TASP1: variants seen among roughly 807,000 people sequenced by gnomAD.
The protein encoded by TASP1 is taspase 1.
A neutral mutation model predicts 56.6 loss-of-function variants in TASP1; 16 were observed. That is an observed-to-expected ratio of 0.28 (90% CI 0.19 to 0.43). TASP1 has a LOEUF of 0.43. Among genes scored for constraint, TASP1 ranks in the 20% least tolerant of loss-of-function variants. The pLI, the probability that TASP1 is intolerant of heterozygous loss-of-function variation, is 1.00. For synonymous variants in TASP1, 179 were observed against 184.2 expected (o/e 0.97, Z 0.23); for missense variants, 393 against 511.6 (o/e 0.77, Z 2.24).
the TASP1 span, chr20:13,244,203 G>C: frequency 6.6e-6 from 1 of 152,176 alleles, no homozygotes; most frequent in Non-Finnish European, 1.5e-5. Context: ...GCAGAGGTCT[G>C]CTTGAACATT....
chr20:13,298,777 A>T, the TASP1 span, among the ~76,000 whole-genome samples: 1 of 152,126 alleles, frequency 6.6e-6, no homozygotes, highest in Admixed American at 6.6e-5. Flanking sequence ...AGGGGGCTGC[A>T]GGGGTGTCTG....
intron 8 of TASP1, among the ~76,000 whole-genome samples, chr20:13,557,650 G>A (rs116159322): frequency 0.018 from 2,462 of 136,206 alleles, 77 homozygotes; most frequent in African/African-American, 0.062. Context: ...ACATGATCAC[G>A]GCTCACTGCA....
chr20:13,439,206 C>T (rs184566336), intron 11 of TASP1, among the ~76,000 whole-genome samples: 47 of 152,246 alleles, frequency 3.1e-4, no homozygotes, highest in African/African-American at 8.4e-4. Flanking sequence ...CACATGCACA[C>T]GTATGTTTAC....
intron 13 of TASP1, among the ~76,000 whole-genome samples, chr20:13,412,552 A>AC (rs796678816): frequency 1.1e-4 from 17 of 151,872 alleles, no homozygotes; most frequent in African/African-American, 3.4e-4. Context: ...TCTTTTGATA[A>AC]CCCCCCCTTG....
chr20:13,617,860 C>A (rs1426947580), intron 4 of TASP1, among the ~76,000 whole-genome samples: 2 of 152,062 alleles, frequency 1.3e-5, no homozygotes, highest in East Asian at 3.9e-4. Context: ...CCCTTCCATC[C>A]TAGGTATGCC....
the TASP1 span, among the ~76,000 whole-genome samples, chr20:13,210,821 G>T: frequency 6.6e-6 from 1 of 151,918 alleles, no homozygotes; most frequent in African/African-American, 2.4e-5. Context: ...CTATTCATCA[G>T]TAAAATCTTA....
chr20:13,155,553 G>A, the TASP1 span, among the ~76,000 whole-genome samples: 7 of 152,106 alleles, frequency 4.6e-5, no homozygotes, highest in East Asian at 1.9e-4. Context: ...AAGGCTGGGC[G>A]CGGTGGCTCA....
chr20:13,397,096 A>C (rs1461006930), intron 13 of TASP1, among the ~76,000 whole-genome samples: 1 of 152,228 alleles, frequency 6.6e-6, no homozygotes, highest in East Asian at 1.9e-4. Flanking sequence ...TAAACATGGC[A>C]AGCCCCACAG....
At chr20:13,612,961 T>C (rs2048398788) in intron 4 of TASP1, among the ~76,000 whole-genome samples, 1 of 152,146 alleles carries the variant, frequency 6.6e-6, no homozygotes, top group African/African-American at 2.4e-5. Context: ...TTTTAGGATA[T>C]AGAGGATGGG....
At chr20:13,417,564 A>G in intron 12 of TASP1, 43 bp from the exon 13 acceptor site, 1 of 1,604,192 alleles carries the variant, frequency 6.2e-7, no homozygotes, top group Non-Finnish European at 8.5e-7. Flanking sequence ...CAGATCACAG[A>G]TGGAAAATAA....
intron 2 of TASP1, among the ~76,000 whole-genome samples, chr20:13,627,322 CT>C (rs1568667379): frequency 6.6e-6 from 1 of 152,170 alleles, no homozygotes; most frequent in East Asian, 1.9e-4. Flanking sequence ...ATCAATCACT[CT>C]TTCTAATAAT....
chr20:13,588,993 C>G (rs1414642608), intron 4 of TASP1, among the ~76,000 whole-genome samples: 1 of 151,334 alleles, frequency 6.6e-6, no homozygotes, highest in African/African-American at 2.4e-5. Flanking sequence ...AAATAATACA[C>G]CCTTATAATC....
chr20:13,467,186 T>TACAC (rs3042647), intron 11 of TASP1, among the ~76,000 whole-genome samples: 67,879 of 146,568 alleles, frequency 0.46, 15,649 homozygotes, highest in South Asian at 0.61. Flanking sequence ...ACACATACAA[T>TACAC]ACACACACAC....
the TASP1 span, among the ~76,000 whole-genome samples, chr20:13,281,042 C>T: frequency 6.6e-6 from 1 of 152,220 alleles, no homozygotes; most frequent in Non-Finnish European, 1.5e-5. Context: ...GTATATTAGA[C>T]AGTCATTTCT....
In TASP1 at chr20:13,581,001, A is replaced by AAT. The variant is rs34179122; in HGVS notation, c.404-21_404-20insAT. ...TGATTCCTATAAAAAAAAAAAAAAA[A>AAT]TTGGCAAAAAAGATGTCAGAAATGT... On this transcript the variant is annotated intron_variant, in intron 5 of 13. Transcript: ENST00000337743. 1.3e-6 allele frequency: 2 copies of AAT among 1,573,374 alleles called. No individual in the cohort carries two copies. Among genetic ancestry groups the AAT allele is most frequent in the Admixed American group, 1.8e-5 (1 of 56,326 alleles).
chr20:13,561,320 G>A (rs1601250398), intron 7 of TASP1, among the ~76,000 whole-genome samples: 1 of 152,054 alleles, frequency 6.6e-6, no homozygotes, highest in East Asian at 1.9e-4. Context: ...TAGTCTTACT[G>A]TAATTTTGGT....
At chr20:13,406,121 ACT>A (rs1212832943) in intron 13 of TASP1, among the ~76,000 whole-genome samples, 1 of 152,140 alleles carries the variant, frequency 6.6e-6, no homozygotes, top group Admixed American at 6.5e-5. Flanking sequence ...AAGTCCTCTA[ACT>A]CTGATCTTTT....
intron 13 of TASP1, among the ~76,000 whole-genome samples, chr20:13,409,382 C>A (rs763697335): frequency 6.6e-6 from 1 of 151,866 alleles, no homozygotes; most frequent in Non-Finnish European, 1.5e-5. Context: ...TCTATTACTC[C>A]TTTTATTACT....
At chr20:13,587,175 G>C in intron 5 of TASP1, 75 bp downstream of exon 5, 5 of 1,491,586 alleles carry the variant, frequency 3.4e-6, no homozygotes, top group Non-Finnish European at 4.5e-6. Flanking sequence ...GAAAAAGACT[G>C]TAATCATCTT....
Sources: gnomAD v4.1 joint callset for allele counts (sites outside exome capture counted in the v4.1 genomes callset) on GRCh38, gnomAD v4.1.1 for gene constraint, MANE v1.5 for transcripts, NCBI Gene and HGNC (gene_info 2026-07-23, HGNC 2026-07-21) for gene names.